LEMD3: variants seen among roughly 807,000 people sequenced by gnomAD.
LEMD3 encodes inner nuclear membrane protein Man1.
LEMD3 carries 33 observed loss-of-function variants against 95.2 expected under a neutral mutation model. The observed-to-expected ratio is 0.35, with a 90% CI of 0.26 to 0.46. The LOEUF (loss-of-function observed/expected upper bound fraction) is 0.46. Ranked by LOEUF, LEMD3 falls within the 20% of genes least tolerant of loss-of-function variation. The pLI is 1.00. For synonymous variants in LEMD3, 525 were observed against 474.6 expected (o/e 1.11, Z -1.38); for missense variants, 1,210 against 1,192.8 (o/e 1.01, Z -0.21).
chr12:65,240,313 A>C, intron 8 of LEMD3, 75 bp downstream of exon 8: 3 of 1,128,034 alleles, frequency 2.7e-6, no homozygotes, highest in Non-Finnish European at 4.1e-6. Context: ...AATTATATTG[A>C]GAGCTGTGAC....
intron 2 of LEMD3, among the ~76,000 whole-genome samples, chr12:65,214,665 T>C (rs1397772920): frequency 6.6e-6 from 1 of 152,200 alleles, no homozygotes; most frequent in Non-Finnish European, 1.5e-5. Flanking sequence ...ATGTTACTTT[T>C]CCAGTCTTTT....
Position 65,170,609 on chromosome 12 carries a change from C to A in LEMD3, c.1013C>A (p.Ala338Glu), listed in dbSNP as rs150526974. 6.2e-7 allele frequency: 1 copy of A among 1,613,814 alleles called. No homozygotes were observed. Among genetic ancestry groups the A allele is most frequent in the Non-Finnish European group, 8.5e-7 (1 of 1,179,920 alleles). ...AGGAGCCGAAACCTCGAAGAGGCGG[C>A]GGCCGCGGAGCAGGGAGGAGGGTGT... ...LDRSRNLEEA[A>E]AAEQGGGCDQ... is the part of the protein sequence containing the mutation. The change falls in exon 1 of 13, where the codon GCG becomes GAG. Residue 338 changes from alanine to glutamate, a missense_variant. Ala to Glu is a moderately radical substitution (Grantham distance 107). Around this residue, in one of 2 missense-constraint regions of LEMD3, gnomAD observed 749 missense variants for 622.9 expected, o/e 1.20. Coordinates refer to ENST00000308330, the MANE Select transcript of LEMD3 (RefSeq NM_014319.5).
rs376532238 is a variant in LEMD3 at position 65,246,291 on chromosome 12, G to A, written c.2702G>A (p.Arg901Gln). The A allele has an allele frequency of 6.4e-5, 104 of 1,613,348 alleles. No homozygotes were observed. In the Middle Eastern group the frequency reaches 8.2e-4, roughly 13 times the overall value. ...AACTCCATGTCTCATCTTCGTCTTC[G>A]GACTGGCCTAACCAATTCTCAAGGA... ...HMNSMSHLRL[R>Q]TGLTNSQGSS Residue 901 changes from arginine to glutamine, a missense_variant, in exon 13 of 13, where the codon CGG (arginine) becomes CAG (glutamine). Transcript: ENST00000308330.
intron 10 of LEMD3, among the ~76,000 whole-genome samples, chr12:65,244,292 C>CCCA (rs1555196171): frequency 9.4e-5 from 14 of 149,486 alleles, no homozygotes; most frequent in African/African-American, 3.0e-4. Flanking sequence ...CACACCCCCC[C>CCCA]CACACACACA....
chr12:65,194,845 T>TAGATTATAATTTATAAATTATAATC lies in LEMD3; in HGVS notation c.1523-16081_1523-16080insAGATTATAATTTATAAATTATAATC, dbSNP rs1565784589. ...TAGATTATAATTTATAAATTATAATTTAGATTATAATTTATAAATTATAAT... is the reference window on the plus strand; with the variant it reads ...TAGATTATAATTTATAAATTATAATTAGATTATAATTTATAAATTATAATCTAGATTATAATTTATAAATTATAAT... On this transcript the variant is annotated intron_variant, in intron 1 of 12. Transcript: ENST00000308330. Among the ~76,000 whole-genome samples the TAGATTATAATTTATAAATTATAATC allele has an allele frequency of 2.9e-4, 42 of 146,722 alleles. 3 individuals carry two copies. The highest frequency in any genetic ancestry group is 9.9e-4 in the African/African-American group (39 of 39,470).
intron 8 of LEMD3, 77 bp from the exon 9 acceptor site, chr12:65,240,832 A>T: frequency 7.8e-7 from 1 of 1,276,732 alleles, no homozygotes; most frequent in Non-Finnish European, 1.1e-6. Context: ...AGAGTTAACT[A>T]TTACCTCAGA....
intron 12 of LEMD3, 75 bp from the exon 13 acceptor site, chr12:65,246,087 C>T (rs1347151184): frequency 3.0e-6 from 4 of 1,320,732 alleles, no homozygotes; most frequent in Non-Finnish European, 4.3e-6. Flanking sequence ...GCTCATATGT[C>T]TTTTACCACA....
intron 4 of LEMD3, among the ~76,000 whole-genome samples, chr12:65,222,179 G>T (rs972489150): frequency 3.3e-5 from 5 of 151,896 alleles, no homozygotes; most frequent in Non-Finnish European, 7.4e-5. Context: ...ATTTAATTTT[G>T]TCAAATGCTT....
intron 1 of LEMD3, among the ~76,000 whole-genome samples, chr12:65,195,469 A>G (rs1470451467): frequency 6.6e-6 from 1 of 151,630 alleles, no homozygotes; most frequent in Non-Finnish European, 1.5e-5. Flanking sequence ...ATGTTTATGA[A>G]AAAGACTGAA....
intron 1 of LEMD3, among the ~76,000 whole-genome samples, chr12:65,207,173 C>T (rs1565788589): frequency 6.6e-6 from 1 of 152,090 alleles, no homozygotes; most frequent in Non-Finnish European, 1.5e-5. Context: ...ACTCAGTAAA[C>T]ATAATTTCCT....
At chr12:65,183,040 C>T (rs1011489450) in intron 1 of LEMD3, among the ~76,000 whole-genome samples, 13 of 152,052 alleles carry the variant, frequency 8.5e-5, no homozygotes, top group Non-Finnish European at 1.5e-4. Context: ...ATAAGTCATA[C>T]GAAGCACATA....
intron 4 of LEMD3, among the ~76,000 whole-genome samples, chr12:65,220,617 G>A (rs1045814432): frequency 6.6e-6 from 1 of 151,894 alleles, no homozygotes; most frequent in Non-Finnish European, 1.5e-5. Context: ...CTATGCTTTT[G>A]GTGTCATGTC....
rs1015745674 is a variant in LEMD3, at chr12:65,227,551, G to A, written c.1695+8932G>A. Among the ~76,000 whole-genome samples the A allele has an allele frequency of 2.6e-5, 4 of 152,046 alleles. No individual in the cohort carries two copies. In the East Asian group the frequency reaches 7.7e-4, roughly 29 times the overall value. On this transcript the variant is annotated intron_variant, in intron 4 of 12. Transcript: ENST00000308330. ...ACTGTAGTATTTACATATAACCTATGCATATCCTGCTATATACCTTAAATC... is the reference window on the plus strand; with the variant it reads ...ACTGTAGTATTTACATATAACCTATACATATCCTGCTATATACCTTAAATC...
chr12:65,200,038 AACCCC>A, intron 1 of LEMD3, among the ~76,000 whole-genome samples: 1 of 148,718 alleles, frequency 6.7e-6, no homozygotes, highest in Non-Finnish European at 1.5e-5. Context: ...TTGGGGGTGC[AACCCC>A]TGCACCCCCA....
At chr12:65,207,580 G>A (rs924360336) in intron 1 of LEMD3, among the ~76,000 whole-genome samples, 3 of 152,154 alleles carry the variant, frequency 2.0e-5, no homozygotes, top group African/African-American at 7.2e-5. Flanking sequence ...CAAGTGCTCA[G>A]TCTTCTGAGA....
intron 1 of LEMD3, among the ~76,000 whole-genome samples, chr12:65,182,228 G>A (rs1868930658): frequency 6.6e-6 from 1 of 152,012 alleles, no homozygotes; most frequent in East Asian, 1.9e-4. Context: ...GCTTTATTTG[G>A]GCAAGCAAGA....
intron 1 of LEMD3, 100 bp from the exon 2 acceptor site, chr12:65,210,826 C>T: frequency 2.2e-6 from 2 of 896,676 alleles, no homozygotes; most frequent in Non-Finnish European, 3.8e-6. Flanking sequence ...TATTTATATC[C>T]AGTTTTAGCA....
At chr12:65,241,852 G>T (rs1448631521) in intron 9 of LEMD3, among the ~76,000 whole-genome samples, 1 of 152,126 alleles carries the variant, frequency 6.6e-6, no homozygotes, top group African/African-American at 2.4e-5. Context: ...GAAAAAGCTT[G>T]AATAAGAGGC....
chr12:65,206,126 A>T (rs980495975), intron 1 of LEMD3, among the ~76,000 whole-genome samples: 17 of 152,172 alleles, frequency 1.1e-4, no homozygotes, highest in African/African-American at 4.1e-4. Context: ...TGTTGGAAAC[A>T]TTCCCCCTCA....
Sources: allele counts gnomAD v4.1 joint callset (sites outside exome capture counted in the v4.1 genomes callset), GRCh38; gene constraint gnomAD v4.1.1; regional missense constraint gnomAD v4.1.1; transcripts MANE v1.5; gene names NCBI Gene and HGNC (gene_info 2026-07-23, HGNC 2026-07-21).